The following HOOK3 variants were observed in gnomAD, a reference collection of about 807,000 sequenced individuals.
HOOK3 encodes the protein protein Hook homolog 3.
A neutral mutation model predicts 116.3 loss-of-function variants in HOOK3; 24 were observed. That is an observed-to-expected ratio of 0.21 (90% CI 0.15 to 0.29). HOOK3 has a LOEUF of 0.29. Ranked by LOEUF, HOOK3 falls within the 10% of genes least tolerant of loss-of-function variation. The pLI is 1.00. For synonymous variants in HOOK3, 275 were observed against 283.0 expected (o/e 0.97, Z 0.28); for missense variants, 632 against 830.2 (o/e 0.76, Z 2.93).
At chr8:42,927,933 G>A (rs1475164737) in intron 3 of HOOK3, among the ~76,000 whole-genome samples, 5 of 152,070 alleles carry the variant, frequency 3.3e-5, no homozygotes, top group Non-Finnish European at 4.4e-5. Flanking sequence ...GATCACTTGC[G>A]GTCAGGAGTT....
chr8:43,012,442 T>A (rs563831525), intron 19 of HOOK3, among the ~76,000 whole-genome samples: 1 of 152,338 alleles, frequency 6.6e-6, no homozygotes, highest in East Asian at 1.9e-4. Flanking sequence ...GACTGAAACA[T>A]CATTATGTGG....
Position 42,939,624 on chromosome 8 carries a change from A to AC in HOOK3, c.268-3682dup, listed in dbSNP as rs558111604. 3.3e-3 allele frequency among the ~76,000 whole-genome samples: 431 copies of AC among 129,144 alleles called. 3 individuals are homozygous for AC. The highest frequency in any genetic ancestry group is 0.012 in the African/African-American group (406 of 33,572). 84.7% of individuals were successfully genotyped at this position (129,144 alleles called of 152,430 possible). A position where few individuals can be genotyped will look rare whatever the true frequency, so the allele number is the denominator to read the frequency against. ...GGCTGGCTGGCCGGGCGGGGGGCTG[A>AC]CCCCCCCACCTCCCTCCCGGACGGG... is the stretch of plus-strand genomic sequence containing the variant. On this transcript the variant is annotated intron_variant, in intron 4 of 21. Coordinates refer to ENST00000307602, the MANE Select transcript of HOOK3 (RefSeq NM_032410.4).
At chr8:42,902,369 T>C (rs1442874278) in intron 1 of HOOK3, among the ~76,000 whole-genome samples, 1 of 151,120 alleles carries the variant, frequency 6.6e-6, no homozygotes, top group Non-Finnish European at 1.5e-5. Flanking sequence ...CCCCCCAGGC[T>C]CAAGTGATCC....
chr8:42,899,885 G>GT (rs1807149307), intron 1 of HOOK3, among the ~76,000 whole-genome samples: 1 of 152,156 alleles, frequency 6.6e-6, no homozygotes. Context: ...ATATTCCTGA[G>GT]TATCAGATAA....
Position 43,026,608 on chromosome 8 carries a change from C to T in HOOK3, c.*8110C>T, listed in dbSNP as rs761312406. The T allele has an allele frequency of 2.7e-5, 6 of 218,876 alleles. No individual in the cohort carries two copies. Among genetic ancestry groups the T allele is most frequent in the Non-Finnish European group, 4.6e-5 (5 of 109,138 alleles). 13.6% of individuals were successfully genotyped at this position (218,876 alleles called of 1,614,324 possible). ...GAAGTTGTATTCATAAAAATTATCCCATCTTACAGTTAATCAGAAGATGTT... is the reference window on the plus strand; with the variant it reads ...GAAGTTGTATTCATAAAAATTATCCTATCTTACAGTTAATCAGAAGATGTT... On this transcript the variant is annotated 3_prime_UTR_variant, in exon 22 of 22. Coordinates refer to ENST00000307602, the MANE Select transcript of HOOK3 (RefSeq NM_032410.4).
chr8:42,982,652 G>T lies in HOOK3; in HGVS notation c.1347G>T (p.Glu449Asp), dbSNP rs143579830. ...GGTTAATGCCTCTTGGAAGTCAGGAGTCTTCAGACAGTCTAGCTGCAGAGA... is the reference window on the plus strand; with the variant it reads ...GGTTAATGCCTCTTGGAAGTCAGGATTCTTCAGACAGTCTAGCTGCAGAGA... Reference protein sequence around the residue: ...TQGLMPLGSQESSDSLAAEIV... With the variant: ...TQGLMPLGSQDSSDSLAAEIV... Residue 449 changes from glutamate (E) to aspartate (D), a missense_variant, in exon 14 of 22, where the codon GAG (glutamate) becomes GAT (aspartate). Transcript: ENST00000307602. The T allele has an allele frequency of 2.5e-6, 4 of 1,612,558 alleles. No homozygotes were observed. The African/African-American group carries it at 5.3e-5, about 22-fold the overall frequency.
At chr8:42,991,222 A>G (rs938959770) in intron 15 of HOOK3, among the ~76,000 whole-genome samples, 5 of 152,080 alleles carry the variant, frequency 3.3e-5, no homozygotes, top group African/African-American at 1.2e-4. Flanking sequence ...GTCAGGTAAC[A>G]TGATTCCTCT....
At chr8:42,981,209 G>C (rs1203994418) in intron 13 of HOOK3, among the ~76,000 whole-genome samples, 1 of 151,468 alleles carries the variant, frequency 6.6e-6, no homozygotes, top group Non-Finnish European at 1.5e-5. Flanking sequence ...GCATCACCAT[G>C]CCTGGCTAAT....
intron 2 of HOOK3, among the ~76,000 whole-genome samples, chr8:42,916,329 G>T (rs1011146106): frequency 2.0e-5 from 3 of 152,146 alleles, no homozygotes; most frequent in Non-Finnish European, 4.4e-5. Flanking sequence ...TTTCAAGAAG[G>T]GTTTACCACT....
chr8:42,901,779 T>C (rs560021275), intron 1 of HOOK3, among the ~76,000 whole-genome samples: 4 of 151,494 alleles, frequency 2.6e-5, no homozygotes, highest in Non-Finnish European at 4.4e-5. Flanking sequence ...TGGCACAATC[T>C]CGGCTCACTG....
At chr8:42,961,644 A>G (rs564500082) in intron 8 of HOOK3, among the ~76,000 whole-genome samples, 2 of 152,354 alleles carry the variant, frequency 1.3e-5, no homozygotes, top group South Asian at 2.1e-4. Context: ...GTGTAACATT[A>G]TTTAGATATG....
chr8:42,961,611 G>A (rs1808535576), intron 8 of HOOK3, among the ~76,000 whole-genome samples: 1 of 152,158 alleles, frequency 6.6e-6, no homozygotes, highest in Non-Finnish European at 1.5e-5. Flanking sequence ...TAATGTCTAA[G>A]GTTGATAAGT....
chr8:42,937,016 G>C (rs536827736), intron 4 of HOOK3, among the ~76,000 whole-genome samples: 7 of 152,100 alleles, frequency 4.6e-5, no homozygotes, highest in Non-Finnish European at 8.8e-5. Context: ...AATCCATCTG[G>C]TCCTGGGCTT....
At chr8:43,003,602 A>G (rs930178395) in intron 17 of HOOK3, among the ~76,000 whole-genome samples, 15 of 152,208 alleles carry the variant, frequency 9.9e-5, no homozygotes, top group African/African-American at 3.4e-4. Context: ...TCTTATAGCT[A>G]CCATGTCAAA....
At chr8:42,970,772 G>A (rs1233381665) in intron 11 of HOOK3, among the ~76,000 whole-genome samples, 1 of 144,144 alleles carries the variant, frequency 6.9e-6, no homozygotes, top group Non-Finnish European at 1.5e-5. Context: ...GAAATAAAAG[G>A]AATTTGGGTC....
At chr8:42,898,879 A>G (rs186341303) in intron 1 of HOOK3, among the ~76,000 whole-genome samples, 10 of 152,370 alleles carry the variant, frequency 6.6e-5, no homozygotes, top group African/African-American at 2.2e-4. Flanking sequence ...TGCTCAGAAC[A>G]CTTACCTTAG....
At chr8:42,990,444 G>A (rs1002467736) in intron 15 of HOOK3, among the ~76,000 whole-genome samples, 5 of 133,452 alleles carry the variant, frequency 3.7e-5, no homozygotes, top group South Asian at 2.5e-4. Flanking sequence ...GGGCTCAAGC[G>A]ATCTTCCCAC....
intron 2 of HOOK3, among the ~76,000 whole-genome samples, chr8:42,922,163 A>G (rs1807669291): frequency 6.6e-6 from 1 of 152,214 alleles, no homozygotes; most frequent in Admixed American, 6.5e-5. Flanking sequence ...AAATATACCA[A>G]TAAATCTTCA....
At chr8:42,976,903 T>C (rs1047977317) in intron 13 of HOOK3, among the ~76,000 whole-genome samples, 8 of 152,170 alleles carry the variant, frequency 5.3e-5, no homozygotes, top group African/African-American at 1.9e-4. Context: ...TGGTGTTTCT[T>C]ACTGCATGGT....
Sources: gnomAD v4.1 joint callset for allele counts (sites outside exome capture counted in the v4.1 genomes callset) on GRCh38, gnomAD v4.1.1 for gene constraint, MANE v1.5 for transcripts, NCBI Gene and HGNC (gene_info 2026-07-23, HGNC 2026-07-21) for gene names.